TATDN1: variants seen among roughly 807,000 people sequenced by gnomAD.
TATDN1 encodes deoxyribonuclease TATDN1.
Under a neutral mutation model 46.4 loss-of-function variants are expected in TATDN1, and 40 were observed. The ratio of observed to expected loss-of-function variants is 0.86; its 90% CI spans 0.67 to 1.12. The LOEUF (loss-of-function observed/expected upper bound fraction) is 1.12. TATDN1 is among the 50% of genes most tolerant of loss of function. The pLI is 0.00. For missense variants in TATDN1, 326 were observed against 348.4 expected (o/e 0.94, Z 0.51); for synonymous variants, 95 against 105.6 (o/e 0.90, Z 0.62).
intron 3 of TATDN1, 58 bp downstream of exon 3, chr8:124,522,093 T>G (rs1820094010): frequency 1.6e-6 from 2 of 1,283,520 alleles, no homozygotes; most frequent in Non-Finnish European, 1.1e-6. Context: ...AAATTTTAAC[T>G]AAAATTTAGT....
rs1170847244 is a variant in TATDN1 at position 124,503,369 on chromosome 8, C to T, written c.593+902G>A. Among the ~76,000 whole-genome samples, 5 of 152,088 alleles carry T rather than the reference C, an allele frequency of 3.3e-5. No homozygotes were observed. In the East Asian group the frequency reaches 9.6e-4, roughly 29 times the overall value. On this transcript the variant is annotated intron_variant, in intron 9 of 11. Coordinates refer to ENST00000276692, the MANE Select transcript of TATDN1 (RefSeq NM_032026.4). ...TTGGGGTAAGGTCATGCTGGGGGGA[C>T]TCTGATATTTGTTCATATCTGTTAG...
At chr8:124,528,469 G>A (rs552255063) in intron 1 of TATDN1, among the ~76,000 whole-genome samples, 5 of 152,074 alleles carry the variant, frequency 3.3e-5, no homozygotes, top group Non-Finnish European at 5.9e-5. Flanking sequence ...CACTGCGCCC[G>A]GCCTCTAACA....
At chr8:124,493,584 C>G (rs767237970) in intron 11 of TATDN1, among the ~76,000 whole-genome samples, 4 of 152,170 alleles carry the variant, frequency 2.6e-5, no homozygotes, top group Non-Finnish European at 5.9e-5. Context: ...TAGAGGCTGT[C>G]AAATCATTTA....
intron 1 of TATDN1, among the ~76,000 whole-genome samples, chr8:124,527,761 T>C (rs1040804464): frequency 1.3e-5 from 2 of 151,784 alleles, no homozygotes; most frequent in African/African-American, 4.9e-5. Context: ...AATCTTTATT[T>C]TGTCCCATGT....
At chr8:124,533,366 T>C (rs1290437617) in intron 1 of TATDN1, among the ~76,000 whole-genome samples, 1 of 152,040 alleles carries the variant, frequency 6.6e-6, no homozygotes, top group Non-Finnish European at 1.5e-5. Context: ...TTAAAGATGC[T>C]GAGTGAGGGG....
intron 3 of TATDN1, among the ~76,000 whole-genome samples, chr8:124,519,790 T>TA (rs1819868764): frequency 6.6e-6 from 1 of 152,198 alleles, no homozygotes; most frequent in Admixed American, 6.5e-5. Flanking sequence ...ATAGACCCAT[T>TA]AGAGTCCGCT....
chr8:124,511,263 A>T (rs1473050494), intron 6 of TATDN1, among the ~76,000 whole-genome samples: 1 of 152,228 alleles, frequency 6.6e-6, no homozygotes, highest in Non-Finnish European at 1.5e-5. Flanking sequence ...CTTCAGGAGC[A>T]GTTGTTATTA....
chr8:124,522,852 G>C (rs1011561541), intron 2 of TATDN1, 85 bp downstream of exon 2: 3 of 1,173,232 alleles, frequency 2.6e-6, no homozygotes, highest in Non-Finnish European at 3.8e-6. Flanking sequence ...ACAAGACTCA[G>C]CTTGAATTAT....
intron 1 of TATDN1, among the ~76,000 whole-genome samples, chr8:124,527,159 C>T (rs146042763): frequency 9.8e-4 from 150 of 152,296 alleles, no homozygotes; most frequent in African/African-American, 3.5e-3. Flanking sequence ...GGCTAACGTA[C>T]ATATTTAACA....
At chr8:124,503,682 G>A (rs1422784452) in intron 9 of TATDN1, among the ~76,000 whole-genome samples, 3 of 152,180 alleles carry the variant, frequency 2.0e-5, no homozygotes, top group Admixed American at 1.3e-4. Context: ...AAAAGTCACT[G>A]GTAGAAGCTC....
chr8:124,511,907 G>A (rs1458990299), intron 6 of TATDN1, among the ~76,000 whole-genome samples: 2 of 151,998 alleles, frequency 1.3e-5, no homozygotes, highest in Non-Finnish European at 2.9e-5. Context: ...ATTTTAAAGG[G>A]GATGCACAAA....
intron 1 of TATDN1, chr8:124,538,391 C>A (rs1345213682): frequency 6.5e-6 from 1 of 153,180 alleles, no homozygotes; most frequent in Non-Finnish European, 1.5e-5. Flanking sequence ...GGAAACCCCA[C>A]AAAACGAGGA....
At chr8:124,508,407 G>C in intron 8 of TATDN1, 67 bp downstream of exon 8, 1 of 1,355,150 alleles carries the variant, frequency 7.4e-7, no homozygotes, top group Non-Finnish European at 1.0e-6. Flanking sequence ...TTTTGTACTT[G>C]GGAGTATTTT....
intron 6 of TATDN1, among the ~76,000 whole-genome samples, chr8:124,514,972 T>A (rs918100860): frequency 1.3e-5 from 2 of 152,230 alleles, no homozygotes; most frequent in Non-Finnish European, 2.9e-5. Context: ...TGGTTTTTTT[T>A]AGAGACGGAG....
intron 4 of TATDN1, 125 bp downstream of exon 4, chr8:124,518,693 A>C (rs1819753303): frequency 4.3e-6 from 3 of 693,940 alleles, no homozygotes; most frequent in Non-Finnish European, 2.6e-6. Flanking sequence ...GTCCCATTTA[A>C]ATCAGTCCAT....
Position 124,538,823 on chromosome 8 carries a change from A to G in TATDN1, c.22+202T>C, listed in dbSNP as rs976985093. ...TACGGCTTGTTAATTTTTACAAATA[A>G]ATACACCCTCGTGAATCCAGAACCT... On this transcript the variant is annotated intron_variant, in intron 1 of 11. Transcript: ENST00000276692. 365 of 626,948 alleles carry G rather than the reference A, an allele frequency of 5.8e-4. 3 individuals carry two copies. The highest frequency in any genetic ancestry group is 3.9e-4 in the Non-Finnish European group (137 of 349,554). The allele number at this position is 626,948 out of a possible 1,614,324, so 38.8% of individuals were successfully genotyped here.
Position 124,515,746 on chromosome 8 carries a change from T to G in TATDN1, c.389A>C (p.Lys130Thr), listed in dbSNP as rs1819403366. The G allele has an allele frequency of 6.2e-7, 1 of 1,612,610 alleles. No individual in the cohort carries two copies. The highest frequency in any genetic ancestry group is 1.3e-5 in the African/African-American group (1 of 75,008). Residue 130 changes from lysine to threonine, a missense_variant and splice_region_variant, in exon 6 of 12, where the codon AAA (lysine) becomes ACA (threonine). Lys to Thr is a moderately conservative substitution (Grantham distance 78). Transcript: ENST00000276692. Reference sequence around the variant, plus strand: ...TTGTAAAGCCAACAAATTTCCTTACTTGAGTTGAGTATCTTTGGGACAAAA... The same window carrying G: ...TTGTAAAGCCAACAAATTTCCTTACGTGAGTTGAGTATCTTTGGGACAAAA... ...LQFCPKDTQL[K>T]YFEKQFELSE...
At chr8:124,497,941 T>C (rs182133972) in intron 9 of TATDN1, among the ~76,000 whole-genome samples, 30 of 152,386 alleles carry the variant, frequency 2.0e-4, no homozygotes, top group Admixed American at 5.9e-4. Flanking sequence ...CCAATGGTGC[T>C]ATTACTTTAA....
chr8:124,515,897 T>C lies in TATDN1; in HGVS notation c.336A>G (p.Glu112=). The C allele has an allele frequency of 6.2e-7, 1 of 1,614,080 alleles. No homozygotes were observed. The highest frequency in any genetic ancestry group is 8.5e-7 in the Non-Finnish European group (1 of 1,179,994). The change falls in exon 5 of 12, where the codon GAA becomes GAG. Residue 112 remains glutamate (E), a synonymous_variant. Transcript: ENST00000276692. ...GAGGCTGGCACTCACCAAGTCCGCATTCTCCTATTGCCACAACTTTCCCTT... is the reference window on the plus strand; with the variant it reads ...GAGGCTGGCACTCACCAAGTCCGCACTCTCCTATTGCCACAACTTTCCCTT... ...NNKGKVVAIG[E]CGLDFDRLQF...
Sources: allele counts gnomAD v4.1 joint callset (sites outside exome capture counted in the v4.1 genomes callset), GRCh38; gene constraint gnomAD v4.1.1; transcripts MANE v1.5; gene names NCBI Gene and HGNC (gene_info 2026-07-23, HGNC 2026-07-21).